ANKAR: variants seen among roughly 807,000 people sequenced by gnomAD.
ANKAR encodes the protein ankyrin and armadillo repeat containing, also known as ankyrin and armadillo repeat-containing protein.
ANKAR carries 136 observed loss-of-function variants against 146.2 expected under a neutral mutation model. That is an observed-to-expected ratio of 0.93 (90% CI 0.81 to 1.07). ANKAR has a LOEUF of 1.07. Among genes scored for constraint, ANKAR ranks in the 50% least tolerant of loss-of-function variants. The pLI is 0.00. For missense variants in ANKAR, 1,567 were observed against 1,679.9 expected (o/e 0.93, Z 1.18); for synonymous variants, 500 against 575.8 (o/e 0.87, Z 1.88).
chr2:189,728,208 T>C (rs2105830301), intron 13 of ANKAR, 59 bp from the exon 14 acceptor site: 2 of 1,513,252 alleles, frequency 1.3e-6, no homozygotes, highest in Non-Finnish European at 8.9e-7. Flanking sequence ...TTATAAAATA[T>C]GCATTCCTAA....
chr2:189,741,332 T>G lies in ANKAR; in HGVS notation c.3701-10T>G. On this transcript the variant is annotated splice_polypyrimidine_tract_variant and intron_variant, in intron 19 of 22. Transcript: ENST00000684021. ...AAATAACACAAGCATTTTTCTTGTT[T>G]AATTTATAGGGAATTTAATAGCAAG... 1 of 1,571,002 alleles carries G rather than the reference T, an allele frequency of 6.4e-7. No homozygotes were observed.
intron 17 of ANKAR, among the ~76,000 whole-genome samples, chr2:189,733,559 G>A (rs541994879): frequency 6.6e-6 from 1 of 152,106 alleles, no homozygotes; most frequent in East Asian, 1.9e-4. Context: ...ATGCTAAAGG[G>A]GTGCTTCTCA....
At chr2:189,708,833 A>G (rs1477741468) in intron 9 of ANKAR, among the ~76,000 whole-genome samples, 1 of 152,174 alleles carries the variant, frequency 6.6e-6, no homozygotes, top group East Asian at 1.9e-4. Flanking sequence ...TCTGCAGATA[A>G]GGGGAGACTA....
In ANKAR at chr2:189,692,402, C is replaced by G. The variant is rs757805125; in HGVS notation, c.1187C>G (p.Ala396Gly). ...FDISTPSIEN[A>G]LEDFQKNLEK... Reference sequence around the variant, plus strand: ...ATCAGCACCCCTTCAATTGAGAATGCCTTGGAAGATTTTCAGGTTTAAATG... The same window carrying G: ...ATCAGCACCCCTTCAATTGAGAATGGCTTGGAAGATTTTCAGGTTTAAATG... The change falls in exon 4 of 23, where the codon GCC becomes GGC. Residue 396 changes from alanine (A) to glycine (G), a missense_variant. Transcript: ENST00000684021. 9.3e-6 allele frequency: 15 copies of G among 1,610,190 alleles called. No individual in the cohort carries two copies. The highest frequency in any genetic ancestry group is 4.4e-5 in the South Asian group (4 of 89,978).
At chr2:189,733,271 T>G in intron 17 of ANKAR, 42 bp downstream of exon 17, 1 of 1,531,738 alleles carries the variant, frequency 6.5e-7, no homozygotes, top group Non-Finnish European at 8.8e-7. Context: ...TTGAAAAAAA[T>G]GGTTTTTATA....
chr2:189,737,639 T>A (rs1229167650), intron 17 of ANKAR, 44 bp from the exon 18 acceptor site: 7 of 1,540,492 alleles, frequency 4.5e-6, no homozygotes, highest in Non-Finnish European at 6.1e-6. Context: ...TTGAGTAACA[T>A]GATAAATGAA....
intron 7 of ANKAR, among the ~76,000 whole-genome samples, chr2:189,703,755 G>T (rs1232927736): frequency 5.3e-5 from 8 of 152,186 alleles, no homozygotes; most frequent in Admixed American, 2.0e-4. Flanking sequence ...TAACCAGTAG[G>T]GTTGGACAAA....
chr2:189,708,272 T>C (rs2039235546), intron 9 of ANKAR, among the ~76,000 whole-genome samples: 1 of 152,208 alleles, frequency 6.6e-6, no homozygotes. Context: ...AAAGATATTT[T>C]GAGAGAGAGG....
chr2:189,740,723 C>T (rs190442704), intron 19 of ANKAR, among the ~76,000 whole-genome samples: 4 of 149,302 alleles, frequency 2.7e-5, no homozygotes, highest in African/African-American at 7.4e-5. Flanking sequence ...GACGGAGTTT[C>T]GCTCTTGTTG....
At chr2:189,680,535 T>C (rs774267726) in intron 2 of ANKAR, among the ~76,000 whole-genome samples, 1 of 151,992 alleles carries the variant, frequency 6.6e-6, no homozygotes, top group Non-Finnish European at 1.5e-5. Context: ...CCTTAGATTG[T>C]CTATTTGTGT....
intron 15 of ANKAR, 42 bp downstream of exon 15, chr2:189,728,863 C>T: frequency 6.4e-7 from 1 of 1,564,234 alleles, no homozygotes; most frequent in Non-Finnish European, 8.7e-7. Flanking sequence ...TCTGTAAGAA[C>T]AAGAACAGAT....
chr2:189,690,006 T>C, intron 3 of ANKAR, 42 bp downstream of exon 3: 5 of 1,332,866 alleles, frequency 3.8e-6, no homozygotes, highest in Non-Finnish European at 4.0e-6. Context: ...TATAGGTATA[T>C]ATTAAATATA....
At chr2:189,680,164 A>C (rs1409582200) in intron 2 of ANKAR, among the ~76,000 whole-genome samples, 1 of 151,958 alleles carries the variant, frequency 6.6e-6, no homozygotes, top group East Asian at 1.9e-4. Flanking sequence ...CTTCCTATTT[A>C]ATCTAGGAGG....
At chr2:189,722,591 A>C (rs1484137200) in intron 12 of ANKAR, among the ~76,000 whole-genome samples, 2 of 152,092 alleles carry the variant, frequency 1.3e-5, no homozygotes, top group Non-Finnish European at 2.9e-5. Context: ...TTCATGAAAG[A>C]AAACTATAGC....
At chr2:189,743,548 C>A in intron 21 of ANKAR, 74 bp downstream of exon 21, 3 of 1,315,904 alleles carry the variant, frequency 2.3e-6, no homozygotes, top group East Asian at 2.4e-5. Flanking sequence ...TAGTAAGATC[C>A]AACAAGAGGA....
At chr2:189,735,810 T>C (rs2042789214) in intron 17 of ANKAR, among the ~76,000 whole-genome samples, 1 of 152,208 alleles carries the variant, frequency 6.6e-6, no homozygotes, top group Admixed American at 6.5e-5. Context: ...ATAAAATTAG[T>C]TGCATTAATT....
At chr2:189,744,682 A>ATT in intron 21 of ANKAR, 60 bp from the exon 22 acceptor site, 1 of 1,263,096 alleles carries the variant, frequency 7.9e-7, no homozygotes, top group South Asian at 1.3e-5. Context: ...TTCTTCATAT[A>ATT]TTTTTTCTGG....
At position 189,705,516 on chromosome 2, in the gene ANKAR, T is replaced by G. The variant is rs529428102; in HGVS notation, c.1910+292T>G. On this transcript the variant is annotated intron_variant, in intron 8 of 22. Coordinates refer to ENST00000684021, the MANE Select transcript of ANKAR (RefSeq NM_001378068.1). ...AGAATAAGGACTAATCCCCAGGGAG[T>G]TTTTCCTAACCTTGTTCCAGTAGTA... is the stretch of plus-strand genomic sequence containing the variant. 4.0e-5 allele frequency among the ~76,000 whole-genome samples: 6 copies of G among 151,786 alleles called. No individual in the cohort carries two copies. In the East Asian group the frequency reaches 9.7e-4, roughly 25 times the overall value.
At chr2:189,753,052 A>G (rs2045528666) in intron 18 of ANKAR, 1 of 1,353,708 alleles carries the variant, frequency 7.4e-7, no homozygotes, top group Non-Finnish European at 1.0e-6. Context: ...AACCTGGAGA[A>G]AAATATCAGC....
Sources: allele counts gnomAD v4.1 joint callset (sites outside exome capture counted in the v4.1 genomes callset), GRCh38; gene constraint gnomAD v4.1.1; transcripts MANE v1.5; gene names NCBI Gene and HGNC (gene_info 2026-07-23, HGNC 2026-07-21).